PPM1H: variants seen among roughly 807,000 people sequenced by gnomAD.
PPM1H encodes protein phosphatase 1H.
A neutral mutation model predicts 54.9 loss-of-function variants in PPM1H; 27 were observed. The observed-to-expected ratio is 0.49, with a 90% CI of 0.36 to 0.68. The LOEUF is 0.68. Ranked by LOEUF, PPM1H falls within the 30% of genes least tolerant of loss-of-function variation. PPM1H has a pLI of 0.00. For synonymous variants in PPM1H, 305 were observed against 270.8 expected, an observed-to-expected ratio of 1.13 and a Z score of -1.24; for missense variants, 596 against 667.8, an observed-to-expected ratio of 0.89 and a Z score of 1.19.
chr12:62,817,620 G>A (rs1444948417), intron 2 of PPM1H, among the ~76,000 whole-genome samples: 2 of 152,158 alleles, frequency 1.3e-5, no homozygotes, highest in East Asian at 3.8e-4. Flanking sequence ...TCATTGCAGG[G>A]AGCCAACTGC....
At chr12:62,896,182 G>T (rs1236945904) in intron 1 of PPM1H, among the ~76,000 whole-genome samples, 3 of 152,218 alleles carry the variant, frequency 2.0e-5, no homozygotes, top group Non-Finnish European at 4.4e-5. Context: ...AATTGCCAGT[G>T]TTATGGGCAA....
intron 5 of PPM1H, among the ~76,000 whole-genome samples, chr12:62,732,925 A>C (rs2076330693): frequency 1.3e-5 from 2 of 152,212 alleles, no homozygotes; most frequent in Non-Finnish European, 2.9e-5. Flanking sequence ...ACGTTAAGGA[A>C]GATGATACAA....
chr12:62,764,285 T>G (rs1344129868), intron 4 of PPM1H, among the ~76,000 whole-genome samples: 1 of 152,072 alleles, frequency 6.6e-6, no homozygotes, highest in Admixed American at 6.6e-5. Flanking sequence ...TGTCCTATAT[T>G]GCCAGGAGGG....
chr12:62,726,007 A>T (rs2076287490), intron 5 of PPM1H, among the ~76,000 whole-genome samples: 1 of 152,200 alleles, frequency 6.6e-6, no homozygotes, highest in Admixed American at 6.5e-5. Context: ...CATGCTTACC[A>T]TAGAAATTAT....
At chr12:62,758,757 G>C (rs1287787274) in intron 4 of PPM1H, among the ~76,000 whole-genome samples, 1 of 152,180 alleles carries the variant, frequency 6.6e-6, no homozygotes, top group Non-Finnish European at 1.5e-5. Context: ...TCCATGAAAT[G>C]CTGTGGTGGT....
At chr12:62,650,138 C>T (rs1355668379) in intron 9 of PPM1H, among the ~76,000 whole-genome samples, 1 of 152,192 alleles carries the variant, frequency 6.6e-6, no homozygotes, top group Non-Finnish European at 1.5e-5. Flanking sequence ...ATCATTGTTA[C>T]ATTATTTAAG....
intron 3 of PPM1H, among the ~76,000 whole-genome samples, chr12:62,794,663 G>A (rs1360836646): frequency 3.3e-5 from 5 of 152,080 alleles, no homozygotes; most frequent in Non-Finnish European, 7.4e-5. Flanking sequence ...TCCCTAGGAG[G>A]GCAAAGGCTT....
chr12:62,751,668 C>T (rs1400461857), intron 4 of PPM1H, among the ~76,000 whole-genome samples: 2 of 152,196 alleles, frequency 1.3e-5, no homozygotes, highest in Non-Finnish European at 2.9e-5. Flanking sequence ...CTTGAGGCGT[C>T]CTTCACTGTA....
At chr12:62,893,092 A>C (rs74097049) in intron 1 of PPM1H, among the ~76,000 whole-genome samples, 3,393 of 152,280 alleles carry the variant, frequency 0.022, 153 homozygotes, top group African/African-American at 0.077. Context: ...CTGTTTTTAT[A>C]CTGCCTCTGA....
rs547826321 is a variant in PPM1H, at chr12:62,783,624, C to T, written c.869+4602G>A. On this transcript the variant is annotated intron_variant, in intron 4 of 9. Coordinates refer to ENST00000228705, the MANE Select transcript of PPM1H (RefSeq NM_020700.2). ...ATTTATTGGTAAATTGTATTTAACT[C>T]GTATTAACAGTGCCTACTTCTCACT... Among the ~76,000 whole-genome samples, 5 of 152,262 alleles carry T rather than the reference C, an allele frequency of 3.3e-5. No individual in the cohort carries two copies. In the East Asian group the frequency reaches 7.7e-4, roughly 24 times the overall value.
chr12:62,745,211 TTTTAA>T (rs1204021598), intron 4 of PPM1H, among the ~76,000 whole-genome samples: 6 of 151,978 alleles, frequency 3.9e-5, no homozygotes, highest in Non-Finnish European at 7.4e-5. Context: ...ATTTTATTAT[TTTTAA>T]TTTTTTAAAT....
chr12:62,729,373 G>A (rs2076307525), intron 5 of PPM1H, among the ~76,000 whole-genome samples: 1 of 152,212 alleles, frequency 6.6e-6, no homozygotes, highest in Non-Finnish European at 1.5e-5. Context: ...GTGGGGCAGA[G>A]AGGAGGCAGG....
intron 9 of PPM1H, among the ~76,000 whole-genome samples, chr12:62,654,217 C>A (rs1271450561): frequency 1.1e-3 from 69 of 65,442 alleles, no homozygotes; most frequent in Admixed American, 1.1e-3. Context: ...GACTCTTTCT[C>A]AAAAAAAAAA....
chr12:62,859,145 T>C lies in PPM1H; in HGVS notation c.246-26866A>G, dbSNP rs1411797271. On this transcript the variant is annotated intron_variant, in intron 1 of 9. Coordinates refer to ENST00000228705, the MANE Select transcript of PPM1H (RefSeq NM_020700.2). ...CAGTAACAGCAGCAAATGCTATCCC[T>C]GGAAGAAACAGGGGAGGGGTAGCTT... Among the ~76,000 whole-genome samples, 3 of 152,198 alleles carry C rather than the reference T, an allele frequency of 2.0e-5. No homozygotes were observed. In the East Asian group the frequency reaches 5.8e-4, roughly 29 times the overall value.
At chr12:62,919,262 C>T (rs1041088254) in intron 1 of PPM1H, among the ~76,000 whole-genome samples, 4 of 152,178 alleles carry the variant, frequency 2.6e-5, no homozygotes, top group African/African-American at 7.2e-5. Context: ...TGCTACACTT[C>T]TGAAACCCAA....
rs2075782537 is a variant in PPM1H, at chr12:62,645,981, G to A, written c.*2508C>T. On this transcript the variant is annotated 3_prime_UTR_variant, in exon 10 of 10. Coordinates refer to ENST00000228705, the MANE Select transcript of PPM1H (RefSeq NM_020700.2). ...GGTAAAAAAATAAGGCCAAAACTGA[G>A]TAAGCTCAATTTATAGAGCAATATC... 1 of 152,210 alleles carries A rather than the reference G, an allele frequency of 6.6e-6. No individual in the cohort carries two copies. The highest frequency in any genetic ancestry group is 1.5e-5 in the Non-Finnish European group (1 of 68,040). The allele number at this position is 152,210 out of a possible 1,614,324, so 9.4% of individuals were successfully genotyped here.
At chr12:62,746,848 A>G (rs1398780538) in intron 4 of PPM1H, among the ~76,000 whole-genome samples, 3 of 152,224 alleles carry the variant, frequency 2.0e-5, no homozygotes, top group Non-Finnish European at 4.4e-5. Flanking sequence ...TAAATTTCCT[A>G]ATATGAAATC....
chr12:62,828,278 C>T (rs1195080346), intron 2 of PPM1H, among the ~76,000 whole-genome samples: 1 of 152,194 alleles, frequency 6.6e-6, no homozygotes, highest in East Asian at 1.9e-4. Flanking sequence ...CCGACTGGCT[C>T]ACTCCACTCC....
At chr12:62,696,802 C>A (rs1287283278) in intron 6 of PPM1H, among the ~76,000 whole-genome samples, 3 of 149,456 alleles carry the variant, frequency 2.0e-5, no homozygotes, top group African/African-American at 7.5e-5. Flanking sequence ...GGTTAAGTTA[C>A]TCCTCCCAGA....
Sources: allele counts gnomAD v4.1 joint callset (sites outside exome capture counted in the v4.1 genomes callset), GRCh38; gene constraint gnomAD v4.1.1; transcripts MANE v1.5; gene names NCBI Gene and HGNC (gene_info 2026-07-23, HGNC 2026-07-21).